Variants in CPD observed in about 807,000 individuals in gnomAD.
CPD encodes the protein carboxypeptidase D, also known as metallocarboxypeptidase D.
CPD carries 69 observed loss-of-function variants against 138.3 expected under a neutral mutation model. That is an observed-to-expected ratio of 0.50 (90% confidence interval 0.41 to 0.61). CPD has a LOEUF of 0.61. Among genes scored for constraint, CPD ranks in the 20% least tolerant of loss-of-function variants. CPD has a pLI of 0.00. For missense variants in CPD, 1,432 were observed against 1,733.3 expected (o/e 0.83, Z 3.09); for synonymous variants, 651 against 642.1 (o/e 1.01, Z -0.21).
intron 2 of CPD, among the ~76,000 whole-genome samples, chr17:30,385,504 GCACACA>G (rs34290313): frequency 0.15 from 21,863 of 144,190 alleles, 4,263 homozygotes; most frequent in African/African-American, 0.45. Context: ...GTATGTGCAT[GCACACA>G]CACACACACA....
chr17:30,452,682 T>C (rs1913197347), intron 14 of CPD, among the ~76,000 whole-genome samples: 1 of 150,646 alleles, frequency 6.6e-6, no homozygotes, highest in African/African-American at 2.5e-5. Context: ...TTTTTTGCTT[T>C]TGTAAACAGT....
intron 3 of CPD, 86 bp from the exon 4 acceptor site, chr17:30,421,578 G>T: frequency 8.5e-7 from 1 of 1,172,822 alleles, no homozygotes. Flanking sequence ...TTATTTTTTA[G>T]AAATTCTAGT....
In CPD at chr17:30,443,691, T is replaced by C. The variant is rs1038004170; in HGVS notation, c.2374-111T>C. On this transcript the variant is annotated intron_variant, in intron 10 of 20. Coordinates refer to ENST00000225719, the MANE Select transcript of CPD (RefSeq NM_001304.5). ...ACTTTACTCTGAACTCCTAAATTCC[T>C]GTTTGTTCCATTTATTTGTGTTGAC... 93 of 1,088,576 alleles carry C rather than the reference T, an allele frequency of 8.5e-5. No individual in the cohort carries two copies. In the Middle Eastern group the frequency reaches 1.8e-3, roughly 21 times the overall value. The allele number at this position is 1,088,576 out of a possible 1,614,324, so 67.4% of individuals were successfully genotyped here.
intron 2 of CPD, among the ~76,000 whole-genome samples, chr17:30,417,029 G>C (rs550673298): frequency 3.1e-4 from 47 of 151,748 alleles, no homozygotes; most frequent in South Asian, 6.3e-4. Context: ...TTGAACCTGG[G>C]AGGTGGAGGT....
At chr17:30,462,102 T>C in intron 19 of CPD, 40 bp downstream of exon 19, 1 of 1,512,814 alleles carries the variant, frequency 6.6e-7, no homozygotes, top group Non-Finnish European at 9.0e-7. Flanking sequence ...TAAATTTTTA[T>C]TCTTAATAAT....
At position 30,467,192 on chromosome 17, in the gene CPD, T is replaced by C. The variant is rs1187666420; in HGVS notation, c.*2378T>C. On this transcript the variant is annotated 3_prime_UTR_variant, in exon 21 of 21. Coordinates refer to ENST00000225719, the MANE Select transcript of CPD (RefSeq NM_001304.5). ...GAGACTTTCCATTTCCTTGGAGTTA[T>C]GGCGGCAAGTAAGTATCATAGTATT... The C allele has an allele frequency of 1.3e-5, 2 of 152,630 alleles. No homozygotes were observed. Among genetic ancestry groups the C allele is most frequent in the East Asian group, 1.9e-4 (1 of 5,204 alleles). The allele number at this position is 152,630 out of a possible 1,614,324, so 9.5% of individuals were successfully genotyped here. A position where few individuals can be genotyped will look rare whatever the true frequency, so the allele number is the denominator to read the frequency against.
intron 7 of CPD, among the ~76,000 whole-genome samples, chr17:30,430,047 T>C (rs775903887): frequency 1.3e-5 from 2 of 152,234 alleles, no homozygotes; most frequent in Non-Finnish European, 2.9e-5. Flanking sequence ...CAGAATGTTC[T>C]GATTCCTTTC....
chr17:30,446,419 T>C (rs1913032993), intron 12 of CPD, among the ~76,000 whole-genome samples: 1 of 151,942 alleles, frequency 6.6e-6, no homozygotes, highest in Non-Finnish European at 1.5e-5. Context: ...AGTGAGAACA[T>C]GCAGTGTTTG....
chr17:30,446,042 CTTTT>C, intron 12 of CPD, 22 bp downstream of exon 12: 1 of 1,172,366 alleles, frequency 8.5e-7, no homozygotes, highest in South Asian at 1.6e-5. Context: ...TTTCTATTGT[CTTTT>C]TTTTTTTTTC....
chr17:30,410,049 A>G (rs930986388), intron 2 of CPD, among the ~76,000 whole-genome samples: 4 of 152,106 alleles, frequency 2.6e-5, no homozygotes, highest in East Asian at 1.9e-4. Flanking sequence ...AGATTCTGGT[A>G]TGTTGTGTAT....
At chr17:30,446,229 G>A (rs904283606) in intron 12 of CPD, among the ~76,000 whole-genome samples, 122 of 151,912 alleles carry the variant, frequency 8.0e-4, no homozygotes, top group African/African-American at 2.9e-3. Context: ...ACAACGTGCA[G>A]GTTTGTTACA....
chr17:30,426,535 G>C (rs1912412695), intron 6 of CPD, among the ~76,000 whole-genome samples: 1 of 152,238 alleles, frequency 6.6e-6, no homozygotes, highest in South Asian at 2.1e-4. Context: ...CACTGGTCCA[G>C]GTGACGTCAG....
chr17:30,464,998 T>C lies in CPD; in HGVS notation c.*184T>C. 1 of 574,780 alleles carries C rather than the reference T, an allele frequency of 1.7e-6. No homozygotes were observed. Among genetic ancestry groups the C allele is most frequent in the Admixed American group, 3.1e-5 (1 of 32,406 alleles). 35.6% of individuals were successfully genotyped at this position (574,780 alleles called of 1,614,324 possible). A position where few individuals can be genotyped will look rare whatever the true frequency, so the allele number is the denominator to read the frequency against. On this transcript the variant is annotated 3_prime_UTR_variant, in exon 21 of 21. Coordinates refer to ENST00000225719, the MANE Select transcript of CPD (RefSeq NM_001304.5). ...TTTGAACTTCCCTTCCTTAAAGTACTCTAAACCTTTAAAAAAAAATCTGAT... is the reference window on the plus strand; with the variant it reads ...TTTGAACTTCCCTTCCTTAAAGTACCCTAAACCTTTAAAAAAAAATCTGAT...
At chr17:30,438,638 G>A (rs953107332) in intron 8 of CPD, among the ~76,000 whole-genome samples, 1 of 152,142 alleles carries the variant, frequency 6.6e-6, no homozygotes, top group East Asian at 1.9e-4. Context: ...AGCATGAAAC[G>A]AAAGTATAAA....
Position 30,467,556 on chromosome 17 carries a change from A to G in CPD, c.*2742A>G, listed in dbSNP as rs538479370. The G allele has an allele frequency of 4.6e-5, 7 of 152,308 alleles. No homozygotes were observed. In the South Asian group the frequency reaches 1.4e-3, roughly 32 times the overall value. 9.4% of individuals were successfully genotyped at this position (152,308 alleles called of 1,614,324 possible). A position where few individuals can be genotyped will look rare whatever the true frequency, so the allele number is the denominator to read the frequency against. ...GACTTTGTCATCTTCCAGAAAGGAA[A>G]CATATTGTATATTTGGCCCAGTGTG... On this transcript the variant is annotated 3_prime_UTR_variant, in exon 21 of 21. Transcript: ENST00000225719.
intron 2 of CPD, among the ~76,000 whole-genome samples, chr17:30,398,092 T>C (rs1911557029): frequency 6.6e-6 from 1 of 151,940 alleles, no homozygotes; most frequent in African/African-American, 2.4e-5. Flanking sequence ...AGATGAAAAC[T>C]TGTGAATACC....
At chr17:30,417,184 A>G (rs1418671031) in intron 2 of CPD, among the ~76,000 whole-genome samples, 2 of 151,856 alleles carry the variant, frequency 1.3e-5, no homozygotes, top group Middle Eastern at 3.2e-3. Flanking sequence ...TGCTTCCCCT[A>G]TGTAAGAATT....
chr17:30,448,518 A>G (rs1023440940), intron 12 of CPD, among the ~76,000 whole-genome samples: 2 of 152,238 alleles, frequency 1.3e-5, no homozygotes, highest in Admixed American at 6.5e-5. Flanking sequence ...TAGGTGGTAC[A>G]CCAACAGGCA....
chr17:30,456,393 T>C (rs759565075), intron 16 of CPD, 42 bp downstream of exon 16: 2 of 1,610,150 alleles, frequency 1.2e-6, no homozygotes, highest in Non-Finnish European at 1.7e-6. Context: ...GTTGTTGTTG[T>C]TGCTTTTGTG....
Sources: gnomAD v4.1 joint callset for allele counts (sites outside exome capture counted in the v4.1 genomes callset) on GRCh38, gnomAD v4.1.1 for gene constraint, MANE v1.5 for transcripts, NCBI Gene and HGNC (gene_info 2026-07-23, HGNC 2026-07-21) for gene names.